Variants in JAM3 observed in about 807,000 individuals in gnomAD.
JAM3 encodes the protein junctional adhesion molecule 3.
In JAM3, 31 loss-of-function variants were observed where a neutral mutation model predicts 39.4. The observed-to-expected ratio is 0.79, with a 90% confidence interval of 0.59 to 1.06. The LOEUF (loss-of-function observed/expected upper bound fraction) is 1.06. Among genes scored for constraint, JAM3 ranks in the 50% least tolerant of loss-of-function variants. JAM3 has a pLI of 0.00. For missense variants in JAM3, 455 were observed against 391.4 expected (o/e 1.16, Z -1.37); for synonymous variants, 182 against 148.7 (o/e 1.22, Z -1.63).
At chr11:134,078,600 C>T (rs528663638) in intron 1 of JAM3, among the ~76,000 whole-genome samples, 9 of 151,828 alleles carry the variant, frequency 5.9e-5, no homozygotes, top group Non-Finnish European at 1.0e-4. Flanking sequence ...CAGAAGGGCC[C>T]TCCAGGGCAT....
chr11:134,096,327 T>C (rs1177971621), intron 1 of JAM3, among the ~76,000 whole-genome samples: 1 of 152,172 alleles, frequency 6.6e-6, no homozygotes, highest in Non-Finnish European at 1.5e-5. Context: ...CAGTTTAGTA[T>C]AAATAGGTAA....
chr11:134,137,413 A>T (rs1942887346), intron 1 of JAM3, among the ~76,000 whole-genome samples: 1 of 152,162 alleles, frequency 6.6e-6, no homozygotes, highest in Admixed American at 6.5e-5. Flanking sequence ...TCTAGACTAT[A>T]AGCTCTCCCA....
rs1565506310 is a variant in JAM3 at position 134,146,053 on chromosome 11, T to C, written c.712+8T>C. ...AGCAGGAGATGGAAGTCTGTGAGTT[T>C]CTTTTTTGAAGAGGTTTCATCGCAA... is the stretch of plus-strand genomic sequence containing the variant. On this transcript the variant is annotated splice_region_variant and intron_variant, in intron 6 of 8. Transcript: ENST00000299106. 6.3e-7 allele frequency: 1 copy of C among 1,597,644 alleles called. No homozygotes were observed. The highest frequency in any genetic ancestry group is 8.6e-7 in the Non-Finnish European group (1 of 1,164,922).
chr11:134,108,368 A>G (rs1815201013), intron 1 of JAM3, among the ~76,000 whole-genome samples: 1 of 152,084 alleles, frequency 6.6e-6, no homozygotes, highest in African/African-American at 2.4e-5. Context: ...AAGAAAAAAA[A>G]GACACCAATT....
intron 1 of JAM3, among the ~76,000 whole-genome samples, chr11:134,105,219 C>A (rs985309381): frequency 5.3e-5 from 8 of 152,112 alleles, no homozygotes; most frequent in African/African-American, 2.4e-5. Flanking sequence ...CAATAAACAT[C>A]ATCCGGCATA....
At chr11:134,111,820 C>T (rs1197628865) in intron 1 of JAM3, among the ~76,000 whole-genome samples, 1 of 152,172 alleles carries the variant, frequency 6.6e-6, no homozygotes, top group Non-Finnish European at 1.5e-5. Flanking sequence ...ACAAAAATTT[C>T]ATTTTCAGCT....
intron 1 of JAM3, among the ~76,000 whole-genome samples, chr11:134,108,091 G>GTTT (rs1591786855): frequency 6.6e-6 from 1 of 151,938 alleles, no homozygotes; most frequent in African/African-American, 2.4e-5. Flanking sequence ...AAAGAAACAA[G>GTTT]TTAACAATGC....
intron 1 of JAM3, among the ~76,000 whole-genome samples, chr11:134,106,629 C>T (rs144683761): frequency 6.6e-6 from 1 of 152,206 alleles, no homozygotes; most frequent in East Asian, 1.9e-4. Flanking sequence ...CTACAAAGAA[C>T]TCAAATTTAC....
intron 1 of JAM3, among the ~76,000 whole-genome samples, chr11:134,103,952 G>T (rs1194227279): frequency 6.6e-6 from 1 of 152,100 alleles, no homozygotes; most frequent in Non-Finnish European, 1.5e-5. Context: ...ACAGATCAAC[G>T]AGACAAAGTT....
At position 134,144,798 on chromosome 11, in the gene JAM3, C is replaced by T; in HGVS notation, c.416C>T (p.Pro139Leu). ...IVIELTVQVK[P>L]VTPVCRVPKA... ...CACCCCTTTTTCCCCACAGTGAAGC[C>T]AGTGACCCCTGTCTGTAGAGTGCCG... Residue 139 changes from proline (P) to leucine (L), a missense_variant, in exon 5 of 9, where the codon CCA becomes CTA. Pro to Leu is a moderately conservative substitution (Grantham distance 98). Coordinates refer to ENST00000299106, the MANE Select transcript of JAM3 (RefSeq NM_032801.5). 6.2e-7 allele frequency: 1 copy of T among 1,613,942 alleles called. No homozygotes were observed. The highest frequency in any genetic ancestry group is 8.5e-7 in the Non-Finnish European group (1 of 1,179,870).
At chr11:134,132,835 A>G (rs1319399605) in intron 1 of JAM3, among the ~76,000 whole-genome samples, 1 of 152,194 alleles carries the variant, frequency 6.6e-6, no homozygotes, top group Non-Finnish European at 1.5e-5. Flanking sequence ...TTTAACTCTC[A>G]GACTTGTTGG....
intron 1 of JAM3, among the ~76,000 whole-genome samples, chr11:134,081,551 G>A (rs1381509851): frequency 6.6e-6 from 1 of 152,240 alleles, no homozygotes; most frequent in East Asian, 1.9e-4. Flanking sequence ...GTGGTGTTGA[G>A]CCTGCGAGTG....
At chr11:134,114,398 A>T (rs952015483) in intron 1 of JAM3, among the ~76,000 whole-genome samples, 6 of 152,216 alleles carry the variant, frequency 3.9e-5, no homozygotes, top group African/African-American at 7.2e-5. Context: ...AGCTTTCTAC[A>T]TATGGCTAGC....
Position 134,151,627 on chromosome 11 carries a change from G to A in JAM3, c.*2446G>A, listed in dbSNP as rs779132451. 8 of 152,164 alleles carry A rather than the reference G, an allele frequency of 5.3e-5. No individual in the cohort carries two copies. Among genetic ancestry groups the A allele is most frequent in the African/African-American group, 9.7e-5 (4 of 41,406 alleles). The allele number at this position is 152,164 out of a possible 1,614,324, so 9.4% of individuals were successfully genotyped here. ...ATATGAATGTGACTCAAGACTCGAG[G>A]CCGATACGAGGCTGTGATTCTGCCT... On this transcript the variant is annotated 3_prime_UTR_variant, in exon 9 of 9. Transcript: ENST00000299106.
chr11:134,100,259 C>G (rs945814771), intron 1 of JAM3, among the ~76,000 whole-genome samples: 1 of 152,130 alleles, frequency 6.6e-6, no homozygotes, highest in African/African-American at 2.4e-5. Flanking sequence ...GGCTCATCTG[C>G]TCTGCAGAGC....
At chr11:134,071,475 C>G (rs945052962) in intron 1 of JAM3, among the ~76,000 whole-genome samples, 1 of 152,122 alleles carries the variant, frequency 6.6e-6, no homozygotes, top group African/African-American at 2.4e-5. Context: ...ATAAAATATT[C>G]TTTTGTTGAC....
Position 134,148,791 on chromosome 11 carries a change from A to C in JAM3, c.870A>C (p.Gly290=). The C allele has an allele frequency of 6.2e-7, 1 of 1,614,166 alleles. No individual in the cohort carries two copies. The highest frequency in any genetic ancestry group is 8.5e-7 in the Non-Finnish European group (1 of 1,180,004). The change falls in exon 8 of 9, where the codon GGA becomes GGC. Residue 290 remains glycine, a synonymous_variant. Coordinates refer to ENST00000299106, the MANE Select transcript of JAM3 (RefSeq NM_032801.5). ...ESYKNPGKPD[G]VNYIRTDEEG... ...ACAAGAACCCAGGGAAACCAGATGG[A>C]GTTAACTACATCCGCACTGACGAGG...
rs555744059 is a variant in JAM3, at chr11:134,104,430, A to G, written c.76+35271A>G. On this transcript the variant is annotated intron_variant, in intron 1 of 8. Transcript: ENST00000299106. ...GGAAAGATCTAAAATTGACGCCCTA[A>G]CATCACAATTAAAAGAACTAGAGAA... 4.3e-4 allele frequency among the ~76,000 whole-genome samples: 66 copies of G among 152,228 alleles called. 1 individual carries two copies. The highest frequency in any genetic ancestry group is 1.8e-4 in the Non-Finnish European group (12 of 68,034).
chr11:134,093,918 C>G (rs1591777801), intron 1 of JAM3, among the ~76,000 whole-genome samples: 4 of 119,774 alleles, frequency 3.3e-5, no homozygotes, highest in African/African-American at 1.0e-4. Flanking sequence ...ATGTCACTTC[C>G]TGAGGGAAGC....
Sources: gnomAD v4.1 joint callset for allele counts (sites outside exome capture counted in the v4.1 genomes callset) on GRCh38, gnomAD v4.1.1 for gene constraint, MANE v1.5 for transcripts, NCBI Gene and HGNC (gene_info 2026-07-23, HGNC 2026-07-21) for gene names.